The following TTC23L variants were observed in gnomAD, a reference collection of about 807,000 sequenced individuals.
TTC23L encodes the protein tetratricopeptide repeat domain 23 like.
A neutral mutation model predicts 48.1 loss-of-function variants in TTC23L; 42 were observed. The observed-to-expected ratio is 0.87, with a 90% CI of 0.68 to 1.13. The LOEUF (loss-of-function observed/expected upper bound fraction) is 1.13. Ranked by LOEUF, TTC23L falls within the 50% of genes most tolerant of loss-of-function variation. The pLI is 0.00. For missense variants in TTC23L, 391 were observed against 421.0 expected (o/e 0.93, Z 0.62); for synonymous variants, 159 against 157.2 (o/e 1.01, Z -0.09).
chr5:34,852,784 G>C (rs772625840), intron 4 of TTC23L, among the ~76,000 whole-genome samples: 1 of 152,138 alleles, frequency 6.6e-6, no homozygotes, highest in African/African-American at 2.4e-5. Flanking sequence ...ACATACCCAA[G>C]ACTGGGTAAT....
exon 10 of TTC23L, chr5:34,896,796 G>A (rs1439619580): frequency 1.3e-6 from 1 of 762,576 alleles, no homozygotes; most frequent in African/African-American, 1.7e-5. Flanking sequence ...TCCAGATGGA[G>A]AAGAGAAGCC....
At position 34,896,618 on chromosome 5, in the gene TTC23L, G is replaced by GACA. The variant is rs573176427; in HGVS notation, c.1078-148_1078-146dup. Among the ~76,000 whole-genome samples, 89 of 152,292 alleles carry GACA rather than the reference G, an allele frequency of 5.8e-4. 1 individual carries two copies. The highest frequency in any genetic ancestry group is 2.1e-3 in the African/African-American group (86 of 41,554). On this transcript the variant is annotated intron_variant, in intron 9 of 10. Transcript: ENST00000505624. Reference sequence around the variant, plus strand: ...AAAACATGGTCATTAATCTTAAGGGGACAACATTCTAGTGTAAGAGAAAAC... The same window carrying GACA: ...AAAACATGGTCATTAATCTTAAGGGGACAACAACATTCTAGTGTAAGAGAAAAC...
At chr5:34,925,015 A>C in the TTC23L span, 1 of 1,588,980 alleles carries the variant, frequency 6.3e-7, no homozygotes, top group South Asian at 1.1e-5. Flanking sequence ...AATGTACCAG[A>C]ACCCTTTGGC....
At chr5:34,922,870 G>A in the TTC23L span, 1 of 1,271,052 alleles carries the variant, frequency 7.9e-7, no homozygotes, top group South Asian at 1.3e-5. Context: ...CCCCCACCTT[G>A]GTTTTATGGA....
At chr5:34,873,486 A>ACGGGC (rs1467951330) in intron 8 of TTC23L, among the ~76,000 whole-genome samples, 1 of 152,138 alleles carries the variant, frequency 6.6e-6, no homozygotes, top group Non-Finnish European at 1.5e-5. Flanking sequence ...TGTTATCACC[A>ACGGGC]CGGGCCGCAC....
chr5:34,890,317 TGCCTGTGGTCCCA>T (rs1762787894), intron 9 of TTC23L, among the ~76,000 whole-genome samples: 1 of 151,486 alleles, frequency 6.6e-6, no homozygotes, highest in East Asian at 2.0e-4. Flanking sequence ...TGGTGGCATG[TGCCTGTGGTCCCA>T]GCTACTTGGG....
At chr5:34,846,996 G>A (rs1382836129) in intron 3 of TTC23L, among the ~76,000 whole-genome samples, 1 of 152,088 alleles carries the variant, frequency 6.6e-6, no homozygotes, top group East Asian at 1.9e-4. Flanking sequence ...AAATCCAGGA[G>A]ACTGAGACAG....
chr5:34,851,669 T>G (rs1370883592), intron 4 of TTC23L, among the ~76,000 whole-genome samples: 1 of 152,212 alleles, frequency 6.6e-6, no homozygotes, highest in Admixed American at 6.5e-5. Flanking sequence ...GGAAGGATCT[T>G]CCCCTAGTGG....
At chr5:34,881,909 C>T (rs1041428958) in intron 9 of TTC23L, among the ~76,000 whole-genome samples, 15 of 151,848 alleles carry the variant, frequency 9.9e-5, no homozygotes, top group South Asian at 2.1e-4. Flanking sequence ...GGATTACAGG[C>T]GCCCACCACT....
chr5:34,911,160 C>T, the TTC23L span, among the ~76,000 whole-genome samples: 5 of 152,202 alleles, frequency 3.3e-5, no homozygotes, highest in Non-Finnish European at 5.9e-5. Context: ...GAATGAGCCA[C>T]GTGTAGAAAA....
At chr5:34,911,673 G>C in the TTC23L span, 1 of 1,614,104 alleles carries the variant, frequency 6.2e-7, no homozygotes, top group Admixed American at 1.7e-5. Flanking sequence ...TAACATTGGT[G>C]CTGCAGAAAT....
chr5:34,909,409 A>C, the TTC23L span: 6 of 1,281,800 alleles, frequency 4.7e-6, no homozygotes, highest in South Asian at 5.0e-5. Context: ...AAACCACATT[A>C]GGATCCAAAT....
the TTC23L span, chr5:34,918,372 G>A: frequency 6.8e-7 from 1 of 1,471,612 alleles, no homozygotes; most frequent in Non-Finnish European, 9.4e-7. Flanking sequence ...AGGGAAAGTG[G>A]AAAAATAAGG....
chr5:34,923,048 T>C, the TTC23L span: 1 of 1,555,630 alleles, frequency 6.4e-7, no homozygotes, highest in Admixed American at 1.7e-5. Context: ...AACTCTTAAT[T>C]CAGGTAAATA....
intron 4 of TTC23L, among the ~76,000 whole-genome samples, chr5:34,855,455 C>T (rs1438913333): frequency 6.6e-6 from 1 of 152,160 alleles, no homozygotes; most frequent in Non-Finnish European, 1.5e-5. Context: ...AGGTCTAAAA[C>T]TAGGCTGCCA....
chr5:34,878,483 A>G (rs1762009940), intron 8 of TTC23L, among the ~76,000 whole-genome samples: 1 of 152,254 alleles, frequency 6.6e-6, no homozygotes, highest in Non-Finnish European at 1.5e-5. Context: ...TAATAATCTC[A>G]GCAAGTTATT....
At chr5:34,914,851 C>A in the TTC23L span, 1 of 1,614,152 alleles carries the variant, frequency 6.2e-7, no homozygotes, top group Middle Eastern at 1.6e-4. Flanking sequence ...CAAGGCTGTA[C>A]TGATCATCCT....
the TTC23L span, chr5:34,923,298 A>T: frequency 3.1e-6 from 4 of 1,310,640 alleles, no homozygotes; most frequent in Admixed American, 7.0e-5. Flanking sequence ...TTATGTTTTG[A>T]GACAGAGTCT....
chr5:34,866,789 G>A, intron 6 of TTC23L, 103 bp from the exon 7 acceptor site: 1 of 1,087,634 alleles, frequency 9.2e-7, no homozygotes, highest in East Asian at 2.6e-5. Flanking sequence ...AAGATGATGG[G>A]CCTGTGAAGG....
Sources: gnomAD v4.1 joint callset for allele counts (sites outside exome capture counted in the v4.1 genomes callset) on GRCh38, gnomAD v4.1.1 for gene constraint, MANE v1.5 for transcripts, NCBI Gene and HGNC (gene_info 2026-07-23, HGNC 2026-07-21) for gene names.